PRICKLE1: variants seen among roughly 807,000 people sequenced by gnomAD.
PRICKLE1 encodes prickle planar cell polarity protein 1.
A neutral mutation model predicts 70.2 loss-of-function variants in PRICKLE1; 14 were observed. The observed-to-expected ratio is 0.20, with a 90% CI of 0.13 to 0.31. PRICKLE1 has a LOEUF of 0.31. Ranked by LOEUF, PRICKLE1 falls within the 10% of genes least tolerant of loss-of-function variation. The pLI is 1.00. For synonymous variants in PRICKLE1, 357 were observed against 379.9 expected (o/e 0.94, Z 0.70); for missense variants, 821 against 1,026.2 (o/e 0.80, Z 2.73).
At chr12:42,493,042 T>G (rs570282365) in intron 1 of PRICKLE1, among the ~76,000 whole-genome samples, 13 of 152,348 alleles carry the variant, frequency 8.5e-5, no homozygotes, top group Non-Finnish European at 1.0e-4. Flanking sequence ...TATTTATTTT[T>G]TTTTAAATTT....
chr12:42,502,721 C>G (rs371400343), intron 1 of PRICKLE1, among the ~76,000 whole-genome samples: 1 of 152,112 alleles, frequency 6.6e-6, no homozygotes, highest in Non-Finnish European at 1.5e-5. Context: ...GGGAAAGGGC[C>G]GAGTCTTAGA....
In PRICKLE1 at chr12:42,537,402, C is replaced by T. The variant is rs12319298; in HGVS notation, c.-49+52063G>A. On this transcript the variant is annotated intron_variant, in intron 1 of 7. Transcript: ENST00000345127. ...CTGGTCTCGAACTCCTGGGCTCAAG[C>T]GACCATCCTGCCTCTGTCTCCCAAA... Among the ~76,000 whole-genome samples, 1,202 of 152,208 alleles carry T rather than the reference C, an allele frequency of 7.9e-3. 19 individuals carry two copies. The highest frequency in any genetic ancestry group is 0.028 in the African/African-American group (1,152 of 41,508).
At chr12:42,533,957 A>G (rs1385913483) in intron 1 of PRICKLE1, among the ~76,000 whole-genome samples, 1 of 152,190 alleles carries the variant, frequency 6.6e-6, no homozygotes, top group African/African-American at 2.4e-5. Context: ...CTGTCTAGCT[A>G]TTCTGACATT....
chr12:42,577,561 C>T (rs1168075409), intron 1 of PRICKLE1, among the ~76,000 whole-genome samples: 2 of 152,256 alleles, frequency 1.3e-5, no homozygotes, highest in East Asian at 3.9e-4. Context: ...TACCAGCTCA[C>T]ATTTGTTATT....
At chr12:42,477,795 A>C (rs1435881265) in intron 1 of PRICKLE1, among the ~76,000 whole-genome samples, 3 of 152,086 alleles carry the variant, frequency 2.0e-5, no homozygotes, top group Non-Finnish European at 4.4e-5. Context: ...AAGGTTGATC[A>C]CATGAAACGG....
intron 1 of PRICKLE1, among the ~76,000 whole-genome samples, chr12:42,578,743 TTTTATTTATTTA>T (rs10699517): frequency 6.8e-6 from 1 of 146,184 alleles, no homozygotes; most frequent in Non-Finnish European, 1.5e-5. Flanking sequence ...GTTTATTTCA[TTTTATTTATTTA>T]TTTATTTATT....
chr12:42,569,169 A>T (rs1940668892), intron 1 of PRICKLE1, among the ~76,000 whole-genome samples: 1 of 152,204 alleles, frequency 6.6e-6, no homozygotes, highest in African/African-American at 2.4e-5. Flanking sequence ...ACATCCTGAA[A>T]CAAGCTCTCT....
intron 1 of PRICKLE1, among the ~76,000 whole-genome samples, chr12:42,571,926 ACTATGT>A (rs999189184): frequency 3.9e-5 from 6 of 152,184 alleles, no homozygotes; most frequent in Non-Finnish European, 8.8e-5. Flanking sequence ...GATATAAAGG[ACTATGT>A]CTATATTATA....
intron 1 of PRICKLE1, chr12:42,490,161 T>A (rs957274267): frequency 1.8e-4 from 27 of 152,192 alleles, no homozygotes; most frequent in Non-Finnish European, 3.8e-4. Flanking sequence ...AATTTTAATA[T>A]AGGAATAAAA....
intron 1 of PRICKLE1, 31 bp from the exon 2 acceptor site, chr12:42,472,595 T>C: frequency 6.4e-7 from 1 of 1,574,220 alleles, no homozygotes; most frequent in Non-Finnish European, 8.7e-7. Flanking sequence ...AACAAAGACA[T>C]CTAAAACCTG....
chr12:42,489,422 G>A (rs963870924), intron 1 of PRICKLE1, among the ~76,000 whole-genome samples: 2 of 150,848 alleles, frequency 1.3e-5, no homozygotes, highest in Non-Finnish European at 3.0e-5. Flanking sequence ...CACTTTGGAA[G>A]GCCGAGGTGG....
chr12:42,502,171 A>G (rs186231160), intron 1 of PRICKLE1, among the ~76,000 whole-genome samples: 226 of 151,588 alleles, frequency 1.5e-3, no homozygotes, highest in Middle Eastern at 3.5e-3. Context: ...ATATATATAT[A>G]CACACACACA....
intron 1 of PRICKLE1, among the ~76,000 whole-genome samples, chr12:42,481,701 G>A (rs1268186500): frequency 1.3e-5 from 2 of 152,218 alleles, no homozygotes; most frequent in Non-Finnish European, 2.9e-5. Context: ...GACTAATTTA[G>A]CAGTACAGAA....
chr12:42,473,743 A>G (rs113186394), intron 1 of PRICKLE1, among the ~76,000 whole-genome samples: 10 of 152,170 alleles, frequency 6.6e-5, no homozygotes, highest in Non-Finnish European at 1.0e-4. Flanking sequence ...GCTAAAAGCC[A>G]GAGTCTAGTC....
chr12:42,587,304 C>A (rs1165371020), intron 1 of PRICKLE1, among the ~76,000 whole-genome samples: 1 of 152,148 alleles, frequency 6.6e-6, no homozygotes, highest in East Asian at 1.9e-4. Context: ...TATAAACTAT[C>A]CAGTTTTTCC....
At chr12:42,528,413 A>G (rs192780270) in intron 1 of PRICKLE1, among the ~76,000 whole-genome samples, 2 of 152,326 alleles carry the variant, frequency 1.3e-5, no homozygotes, top group East Asian at 3.9e-4. Flanking sequence ...CTGAAGCAAA[A>G]ATAAATATAT....
At chr12:42,526,852 T>C (rs979974923) in intron 1 of PRICKLE1, among the ~76,000 whole-genome samples, 6 of 151,812 alleles carry the variant, frequency 4.0e-5, no homozygotes, top group African/African-American at 1.5e-4. Flanking sequence ...ATGATGATGA[T>C]GATGTCTCTA....
chr12:42,508,350 A>C (rs1299857007), intron 1 of PRICKLE1, among the ~76,000 whole-genome samples: 1 of 152,212 alleles, frequency 6.6e-6, no homozygotes, highest in Non-Finnish European at 1.5e-5. Flanking sequence ...TTTTGGCTTA[A>C]AATTCAAGTA....
At chr12:42,556,120 C>T (rs1940408988) in intron 1 of PRICKLE1, among the ~76,000 whole-genome samples, 1 of 152,168 alleles carries the variant, frequency 6.6e-6, no homozygotes, top group African/African-American at 2.4e-5. Context: ...TGGCCACTTA[C>T]TAGGTTGCCT....
Sources: allele counts gnomAD v4.1 joint callset (sites outside exome capture counted in the v4.1 genomes callset), GRCh38; gene constraint gnomAD v4.1.1; transcripts MANE v1.5; gene names NCBI Gene and HGNC (gene_info 2026-07-23, HGNC 2026-07-21).